The following SMOC1 variants were observed in gnomAD, a reference collection of about 807,000 sequenced individuals.
SMOC1 encodes SPARC-related modular calcium-binding protein 1.
Under a neutral mutation model 56.3 loss-of-function variants are expected in SMOC1, and 22 were observed. The ratio of observed to expected loss-of-function variants is 0.39; its 90% CI spans 0.28 to 0.56. SMOC1 has a LOEUF of 0.56. Ranked by LOEUF, SMOC1 falls within the 20% of genes least tolerant of loss-of-function variation. The probability of loss-of-function intolerance (pLI) is 0.61; values close to 1 mark genes in which losing one functional copy is unlikely to be tolerated. For synonymous variants in SMOC1, 193 were observed against 215.0 expected, an observed-to-expected ratio of 0.90 and a Z score of 0.89; for missense variants, 509 against 565.4, an observed-to-expected ratio of 0.90 and a Z score of 1.01.
intron 4 of SMOC1, among the ~76,000 whole-genome samples, 158 bp from the exon 5 acceptor site, chr14:69,977,756 ATGTG>A (rs1359190327): frequency 1.3e-5 from 2 of 152,358 alleles, no homozygotes; most frequent in African/African-American, 4.8e-5. Flanking sequence ...CCCACTCAAC[ATGTG>A]TATATGTACT....
At chr14:69,913,772 A>G (rs1884615864) in intron 1 of SMOC1, among the ~76,000 whole-genome samples, 1 of 152,224 alleles carries the variant, frequency 6.6e-6, no homozygotes, top group Admixed American at 6.5e-5. Flanking sequence ...ATGGCTGCTA[A>G]TAAGCTAGCT....
At chr14:69,904,828 G>A (rs867023951) in intron 1 of SMOC1, among the ~76,000 whole-genome samples, 1 of 152,194 alleles carries the variant, frequency 6.6e-6, no homozygotes, top group Admixed American at 6.5e-5. Context: ...CAAAACATGA[G>A]GAGATGCCTC....
intron 10 of SMOC1, among the ~76,000 whole-genome samples, chr14:70,022,994 G>C (rs1262021238): frequency 6.6e-6 from 1 of 152,218 alleles, no homozygotes; most frequent in Non-Finnish European, 1.5e-5. Context: ...TACCCACCTG[G>C]GGAGTCCTGA....
intron 11 of SMOC1, among the ~76,000 whole-genome samples, chr14:70,027,931 T>C (rs1242319658): frequency 6.6e-6 from 1 of 152,052 alleles, no homozygotes; most frequent in Non-Finnish European, 1.5e-5. Flanking sequence ...CTGTGGTCAA[T>C]GGTGTGCAGG....
At chr14:70,015,327 A>G (rs1168929532) in intron 10 of SMOC1, among the ~76,000 whole-genome samples, 1 of 151,610 alleles carries the variant, frequency 6.6e-6, no homozygotes, top group Non-Finnish European at 1.5e-5. Context: ...GCAAAGCAAG[A>G]TGAATGAGTC....
chr14:70,023,322 G>T lies in SMOC1; in HGVS notation c.1166G>T (p.Arg389Leu), dbSNP rs1416090836. The T allele has an allele frequency of 6.2e-7, 1 of 1,614,154 alleles. No individual in the cohort carries two copies. Residue 389 changes from arginine to leucine, a missense_variant, in exon 11 of 12, where the codon CGC becomes CTC. Around this residue, in one of 3 missense-constraint regions of SMOC1, gnomAD observed 176 missense variants for 188.1 expected, o/e 0.94. Transcript: ENST00000361956. Reference sequence around the variant, plus strand: ...AAGCGGGAGATGAAGCCCTTCAAGCGCTACGTGAAGAAGAAAGCCAAGCCC... The same window carrying T: ...AAGCGGGAGATGAAGCCCTTCAAGCTCTACGTGAAGAAGAAAGCCAAGCCC... ...INKREMKPFKRYVKKKAKPKK... is the reference protein window; with the variant it reads ...INKREMKPFKLYVKKKAKPKK...
At chr14:69,962,067 A>G (rs776330329) in intron 3 of SMOC1, among the ~76,000 whole-genome samples, 13 of 152,038 alleles carry the variant, frequency 8.6e-5, no homozygotes, top group Non-Finnish European at 1.8e-4. Context: ...AGAAATGTCT[A>G]CTCAGATCCT....
chr14:69,996,191 C>A (rs551227863), intron 7 of SMOC1, among the ~76,000 whole-genome samples: 1 of 152,280 alleles, frequency 6.6e-6, no homozygotes, highest in African/African-American at 2.4e-5. Flanking sequence ...CTTTGGGGAA[C>A]GATGGAGGAG....
rs201371035 is a variant in SMOC1, at chr14:69,988,302, A to G, written c.527-4115A>G. On this transcript the variant is annotated intron_variant, in intron 5 of 11. Transcript: ENST00000361956. ...TCTTTGAATTGGCTTTTTTTTTTTCAGTGTTTATCCTCTTCCTTTTAATAT... is the reference window on the plus strand; with the variant it reads ...TCTTTGAATTGGCTTTTTTTTTTTCGGTGTTTATCCTCTTCCTTTTAATAT... Among the ~76,000 whole-genome samples, 14 of 120,598 alleles carry G rather than the reference A, an allele frequency of 1.2e-4. No homozygotes were observed. In the East Asian group the frequency reaches 1.4e-3, roughly 12 times the overall value. 79.1% of individuals were successfully genotyped at this position (120,598 alleles called of 152,430 possible).
intron 3 of SMOC1, among the ~76,000 whole-genome samples, chr14:69,969,711 G>T (rs1037799458): frequency 6.6e-6 from 1 of 152,178 alleles, no homozygotes; most frequent in Admixed American, 6.5e-5. Context: ...GCTGCAAATG[G>T]TATCTTCCTC....
At chr14:70,028,475 C>T (rs1344363454) in intron 11 of SMOC1, among the ~76,000 whole-genome samples, 1 of 152,178 alleles carries the variant, frequency 6.6e-6, no homozygotes, top group African/African-American at 2.4e-5. Flanking sequence ...GTTTCATCAT[C>T]CTAAGATGGA....
chr14:69,918,607 G>A (rs770594960), intron 1 of SMOC1, among the ~76,000 whole-genome samples: 20 of 152,154 alleles, frequency 1.3e-4, no homozygotes, highest in Non-Finnish European at 1.9e-4. Context: ...ACCAGCTGGT[G>A]ACCATGGCTA....
intron 7 of SMOC1, among the ~76,000 whole-genome samples, chr14:70,003,026 A>G (rs1229299898): frequency 6.6e-6 from 1 of 152,186 alleles, no homozygotes; most frequent in Non-Finnish European, 1.5e-5. Context: ...CACTCCCGAC[A>G]CCACACTCTC....
At chr14:69,984,755 C>T (rs1884305797) in intron 5 of SMOC1, among the ~76,000 whole-genome samples, 1 of 150,832 alleles carries the variant, frequency 6.6e-6, no homozygotes, top group Non-Finnish European at 1.5e-5. Context: ...CTCAGGAGGC[C>T]GCGAGGCAGG....
intron 11 of SMOC1, among the ~76,000 whole-genome samples, chr14:70,023,687 TGA>T (rs1032531362): frequency 3.9e-5 from 6 of 152,176 alleles, no homozygotes; most frequent in African/African-American, 1.4e-4. Context: ...ATACATGCTG[TGA>T]GAGTGTGCTA....
chr14:69,900,204 G>A (rs1884206225), intron 1 of SMOC1, among the ~76,000 whole-genome samples: 1 of 152,140 alleles, frequency 6.6e-6, no homozygotes. Flanking sequence ...GTGCCTCCTA[G>A]AGCCAGCCAT....
chr14:69,947,197 T>C (rs1446667945), intron 1 of SMOC1, among the ~76,000 whole-genome samples: 1 of 151,734 alleles, frequency 6.6e-6, no homozygotes, highest in Non-Finnish European at 1.5e-5. Flanking sequence ...TTTCCTTTCA[T>C]TCTTATTCTG....
At chr14:69,988,449 G>A (rs1884447225) in intron 5 of SMOC1, among the ~76,000 whole-genome samples, 1 of 152,040 alleles carries the variant, frequency 6.6e-6, no homozygotes, top group Non-Finnish European at 1.5e-5. Context: ...TAAAACAGTG[G>A]AAGAGTCTTC....
At chr14:70,029,449 G>T (rs142712877) in intron 11 of SMOC1, among the ~76,000 whole-genome samples, 3 of 152,318 alleles carry the variant, frequency 2.0e-5, no homozygotes, top group Non-Finnish European at 4.4e-5. Context: ...CAGGAGCCAG[G>T]CCTTATGGAA....
Sources: allele counts gnomAD v4.1 joint callset (sites outside exome capture counted in the v4.1 genomes callset), GRCh38; gene constraint gnomAD v4.1.1; regional missense constraint gnomAD v4.1.1; transcripts MANE v1.5; gene names NCBI Gene and HGNC (gene_info 2026-07-23, HGNC 2026-07-21).